Variants in LPA observed in about 807,000 individuals in gnomAD.
LPA encodes apolipoprotein(a).
LPA carries 199 observed loss-of-function variants against 197.9 expected under a neutral mutation model. The observed-to-expected ratio is 1.01, with a 90% CI of 0.90 to 1.13. LPA has a LOEUF of 1.13. Among genes scored for constraint, LPA ranks in the 50% most tolerant of loss-of-function variants. The pLI is 0.00. For synonymous variants in LPA, 715 were observed against 639.5 expected, an observed-to-expected ratio of 1.12 and a Z score of -1.78; for missense variants, 1,853 against 1,785.8, an observed-to-expected ratio of 1.04 and a Z score of -0.68.
At chr6:160,570,151 T>A (rs577492889) in intron 28 of LPA, among the ~76,000 whole-genome samples, 1 of 152,282 alleles carries the variant, frequency 6.6e-6, no homozygotes, top group East Asian at 1.9e-4. Flanking sequence ...ATCTAAAGGA[T>A]TATAAATCAT....
chr6:160,575,034 C>G (rs1778629880), intron 28 of LPA, among the ~76,000 whole-genome samples: 1 of 152,114 alleles, frequency 6.6e-6, no homozygotes, highest in Non-Finnish European at 1.5e-5. Flanking sequence ...GTAACTGTTC[C>G]TTTATATAAA....
intron 6 of LPA, among the ~76,000 whole-genome samples, chr6:160,635,507 C>G (rs1779799151): frequency 8.8e-6 from 1 of 113,460 alleles, no homozygotes; most frequent in South Asian, 2.6e-4. Context: ...TAGATTATTA[C>G]TATTTTTTTT....
intron 28 of LPA, among the ~76,000 whole-genome samples, chr6:160,563,003 C>A (rs934935969): frequency 6.6e-6 from 1 of 152,008 alleles, no homozygotes; most frequent in Non-Finnish European, 1.5e-5. Context: ...TTTTGTTAAT[C>A]TTTTCAAAAA....
At chr6:160,558,887 T>C (rs1246404755) in intron 28 of LPA, among the ~76,000 whole-genome samples, 1 of 152,148 alleles carries the variant, frequency 6.6e-6, no homozygotes, top group African/African-American at 2.4e-5. Context: ...TTATGTGCCA[T>C]GGGAAAGTTT....
At chr6:160,661,398 G>A (rs1780224137) in intron 1 of LPA, among the ~76,000 whole-genome samples, 2 of 152,196 alleles carry the variant, frequency 1.3e-5, no homozygotes, top group South Asian at 4.1e-4. Flanking sequence ...GGTTCTGAAA[G>A]ATGACACACT....
chr6:160,558,135 G>T (rs974061822), intron 28 of LPA, among the ~76,000 whole-genome samples: 3 of 152,022 alleles, frequency 2.0e-5, no homozygotes, highest in Non-Finnish European at 4.4e-5. Flanking sequence ...TAGCCAGGAT[G>T]GTCTCAATCT....
At chr6:160,576,947 A>G (rs1483582802) in intron 28 of LPA, among the ~76,000 whole-genome samples, 189 bp downstream of exon 28, 2 of 152,052 alleles carry the variant, frequency 1.3e-5, no homozygotes, top group Non-Finnish European at 2.9e-5. Context: ...TAAAACTATT[A>G]GGAAAAATAG....
intron 33 of LPA, among the ~76,000 whole-genome samples, chr6:160,544,742 G>A (rs1170943436): frequency 6.6e-6 from 1 of 152,184 alleles, no homozygotes; most frequent in African/African-American, 2.4e-5. Flanking sequence ...TCAGCAGGAA[G>A]AAAATAGGGA....
intron 20 of LPA, among the ~76,000 whole-genome samples, chr6:160,597,011 C>T (rs1431821421): frequency 6.6e-6 from 1 of 152,180 alleles, no homozygotes; most frequent in Admixed American, 6.5e-5. Flanking sequence ...TTATTCATAT[C>T]TCACTTTATT....
At chr6:160,595,165 CA>C (rs1227785158) in intron 21 of LPA, among the ~76,000 whole-genome samples, 188 bp downstream of exon 21, 1 of 152,160 alleles carries the variant, frequency 6.6e-6, no homozygotes, top group Non-Finnish European at 1.5e-5. Flanking sequence ...CACCCTTTCA[CA>C]GGGTACCAAA....
intron 23 of LPA, among the ~76,000 whole-genome samples, chr6:160,590,085 G>A (rs1778996947): frequency 1.3e-5 from 2 of 152,250 alleles, no homozygotes; most frequent in South Asian, 2.1e-4. Context: ...TTGTCAGTGG[G>A]GGCAGACATG....
chr6:160,533,632 A>T (rs1283204473), intron 37 of LPA, among the ~76,000 whole-genome samples: 1 of 152,194 alleles, frequency 6.6e-6, no homozygotes, highest in Non-Finnish European at 1.5e-5. Flanking sequence ...ACATTGCCAA[A>T]TTATTCTCTA....
At chr6:160,558,631 G>A (rs1778309815) in intron 28 of LPA, among the ~76,000 whole-genome samples, 1 of 152,170 alleles carries the variant, frequency 6.6e-6, no homozygotes, top group African/African-American at 2.4e-5. Context: ...AATGGAGGAT[G>A]AGATGAAAGA....
chr6:160,548,171 A>G (rs1159838021), intron 31 of LPA, among the ~76,000 whole-genome samples: 1 of 152,184 alleles, frequency 6.6e-6, no homozygotes, highest in African/African-American at 2.4e-5. Flanking sequence ...ATGTTAGAAT[A>G]GGAATTTGAC....
intron 37 of LPA, 152 bp downstream of exon 37, chr6:160,537,703 T>G: frequency 1.4e-6 from 1 of 718,564 alleles, no homozygotes. Context: ...AGACTGATTA[T>G]GGAGACATAG....
intron 32 of LPA, among the ~76,000 whole-genome samples, chr6:160,546,381 C>A (rs12190825): frequency 1.5e-3 from 226 of 152,322 alleles, no homozygotes; most frequent in Non-Finnish European, 3.0e-3. Context: ...GGCATAGAGG[C>A]TCTGAGCCCC....
Position 160,532,617 on chromosome 6 carries a change from G to A in LPA, c.5875C>T (p.Gln1959Ter). The A allele has an allele frequency of 6.2e-7, 1 of 1,612,754 alleles. No individual in the cohort carries two copies. Among genetic ancestry groups the A allele is most frequent in the African/African-American group, 1.3e-5 (1 of 74,994 alleles). ...TFGTGLLKEA[Q>*]LLVIENEVCN... ...ACTTCATTCTCAATAACAAGGAGCTGGGCTTCCTTGAGAAGGCCAGTCCCA... is the reference window on the plus strand; with the variant it reads ...ACTTCATTCTCAATAACAAGGAGCTAGGCTTCCTTGAGAAGGCCAGTCCCA... The change falls in exon 38 of 39, where the codon CAG becomes TAG. Residue 1959 changes from glutamine (Q) to a stop codon, truncating the protein, a stop_gained. Transcript: ENST00000316300. LOFTEE classifies it high-confidence loss of function.
intron 29 of LPA, 117 bp downstream of exon 29, chr6:160,557,273 C>T (rs1778279746): frequency 1.6e-6 from 2 of 1,262,008 alleles, no homozygotes; most frequent in Non-Finnish European, 2.3e-6. Context: ...GGCTTCTTTC[C>T]ACCTGCCATA....
At chr6:160,545,892 T>C (rs971391250) in intron 32 of LPA, among the ~76,000 whole-genome samples, 2 of 152,302 alleles carry the variant, frequency 1.3e-5, no homozygotes, top group East Asian at 3.9e-4. Flanking sequence ...AGGGGTCTTC[T>C]ACCTGATAAA....
Sources: gnomAD v4.1 joint callset for allele counts (sites outside exome capture counted in the v4.1 genomes callset) on GRCh38, gnomAD v4.1.1 for gene constraint, MANE v1.5 for transcripts, NCBI Gene and HGNC (gene_info 2026-07-23, HGNC 2026-07-21) for gene names.